Variants in ADGRL3 observed in about 807,000 individuals in gnomAD.
The protein encoded by ADGRL3 is calcium-independent alpha-latrotoxin receptor 3.
Under a neutral mutation model 153.5 loss-of-function variants are expected in ADGRL3, and 62 were observed. The observed-to-expected ratio is 0.40, with a 90% CI of 0.33 to 0.50. ADGRL3 has a LOEUF of 0.50. ADGRL3 is among the 20% of genes least tolerant of loss of function. ADGRL3 has a pLI of 0.47. For missense variants in ADGRL3, 1,641 were observed against 1,859.4 expected (o/e 0.88, Z 2.16); for synonymous variants, 710 against 672.5 (o/e 1.06, Z -0.86).
intron 5 of ADGRL3, among the ~76,000 whole-genome samples, chr4:61,639,519 C>T (rs2093574034): frequency 6.6e-6 from 1 of 152,184 alleles, no homozygotes; most frequent in Middle Eastern, 3.4e-3. Context: ...AACAGTTACA[C>T]TCGCAGACAT....
intron 2 of ADGRL3, among the ~76,000 whole-genome samples, chr4:61,482,734 A>G (rs1489514000): frequency 6.6e-6 from 1 of 152,284 alleles, no homozygotes; most frequent in East Asian, 1.9e-4. Context: ...AGAAAATAAA[A>G]TTGTATTAAA....
chr4:62,063,463 C>T (rs1159700173), intron 25 of ADGRL3: 3 of 626,634 alleles, frequency 4.8e-6, no homozygotes, highest in South Asian at 1.8e-5. Context: ...GCCTGATTGA[C>T]CTTTTTTTTT....
At chr4:61,920,783 G>A (rs1241146687) in intron 13 of ADGRL3, among the ~76,000 whole-genome samples, 1 of 152,104 alleles carries the variant, frequency 6.6e-6, no homozygotes, top group Non-Finnish European at 1.5e-5. Flanking sequence ...AGAAGGATTT[G>A]TCCCTTTTAG....
chr4:61,749,017 AAAAC>A (rs1284044527), intron 8 of ADGRL3, among the ~76,000 whole-genome samples: 2 of 151,732 alleles, frequency 1.3e-5, no homozygotes, highest in African/African-American at 2.4e-5. Context: ...TTTACAAGAA[AAAAC>A]AAACAACCCC....
intron 9 of ADGRL3, among the ~76,000 whole-genome samples, chr4:61,882,216 G>C (rs2098512751): frequency 6.6e-6 from 1 of 152,118 alleles, no homozygotes; most frequent in Non-Finnish European, 1.5e-5. Context: ...ATTTGTATAA[G>C]AAGGACAAAT....
intron 4 of ADGRL3, among the ~76,000 whole-genome samples, chr4:61,585,706 T>G (rs2098943683): frequency 6.6e-6 from 1 of 151,984 alleles, no homozygotes; most frequent in South Asian, 2.1e-4. Flanking sequence ...AAAAGAAGAT[T>G]TGTTGAGTTA....
At chr4:61,566,477 G>A (rs2098816721) in intron 4 of ADGRL3, among the ~76,000 whole-genome samples, 2 of 152,200 alleles carry the variant, frequency 1.3e-5, no homozygotes, top group South Asian at 4.1e-4. Flanking sequence ...AGGAGGGAAA[G>A]GTTGAATTTA....
chr4:61,799,337 A>C (rs2097459647), intron 8 of ADGRL3, among the ~76,000 whole-genome samples: 1 of 152,094 alleles, frequency 6.6e-6, no homozygotes, highest in Admixed American at 6.6e-5. Context: ...TCAATATTTT[A>C]GGTTTTGCAG....
chr4:61,461,892 T>G (rs777012977), intron 2 of ADGRL3, among the ~76,000 whole-genome samples: 20 of 152,324 alleles, frequency 1.3e-4, no homozygotes, highest in African/African-American at 2.6e-4. Flanking sequence ...ATTCTTATTT[T>G]TTTTAATTAA....
chr4:61,618,273 C>T (rs2092223356), intron 5 of ADGRL3, among the ~76,000 whole-genome samples: 1 of 152,036 alleles, frequency 6.6e-6, no homozygotes, highest in Non-Finnish European at 1.5e-5. Context: ...ATCTTTTTAT[C>T]TAGTAAAACA....
At chr4:61,501,117 G>A (rs973037606) in intron 3 of ADGRL3, among the ~76,000 whole-genome samples, 2 of 152,084 alleles carry the variant, frequency 1.3e-5, no homozygotes, top group East Asian at 1.9e-4. Context: ...TTCCAGCTCT[G>A]CCACCTACTG....
At chr4:62,048,239 T>G (rs907679664) in intron 25 of ADGRL3, among the ~76,000 whole-genome samples, 6 of 151,854 alleles carry the variant, frequency 4.0e-5, no homozygotes, top group African/African-American at 1.4e-4. Flanking sequence ...GTTTATCTAT[T>G]TATTTACTTT....
chr4:61,684,557 T>A (rs185331959), intron 6 of ADGRL3, among the ~76,000 whole-genome samples: 56 of 152,108 alleles, frequency 3.7e-4, no homozygotes, highest in Admixed American at 3.4e-3. Context: ...AAGGATCAGA[T>A]CCCCGTAAAG....
At chr4:61,451,656 C>T (rs2097675368) in intron 2 of ADGRL3, among the ~76,000 whole-genome samples, 1 of 152,144 alleles carries the variant, frequency 6.6e-6, no homozygotes, top group Non-Finnish European at 1.5e-5. Flanking sequence ...CAGAAAATGA[C>T]ACCTGACTAA....
chr4:61,482,908 T>A (rs1225080470), intron 2 of ADGRL3, among the ~76,000 whole-genome samples: 2 of 152,124 alleles, frequency 1.3e-5, no homozygotes, highest in Non-Finnish European at 2.9e-5. Flanking sequence ...TAGAGATAAT[T>A]ATATGATATA....
chr4:62,066,653 C>T (rs1743133952), intron 25 of ADGRL3, among the ~76,000 whole-genome samples: 1 of 152,044 alleles, frequency 6.6e-6, no homozygotes, highest in African/African-American at 2.4e-5. Context: ...AAATAATTTA[C>T]ATTTTAAAGT....
At chr4:62,033,252 C>T (rs1326785718) in intron 23 of ADGRL3, among the ~76,000 whole-genome samples, 1 of 151,106 alleles carries the variant, frequency 6.6e-6, no homozygotes, top group Non-Finnish European at 1.5e-5. Flanking sequence ...ATGGCTTCTA[C>T]TCATTTTGTT....
intron 2 of ADGRL3, among the ~76,000 whole-genome samples, chr4:61,470,160 A>C (rs2152678534): frequency 6.6e-6 from 1 of 152,176 alleles, no homozygotes; most frequent in South Asian, 2.1e-4. Flanking sequence ...CTACATAAAT[A>C]ATTTTTTTAA....
intron 2 of ADGRL3, among the ~76,000 whole-genome samples, chr4:61,457,367 A>G (rs2097766215): frequency 6.6e-6 from 1 of 151,974 alleles, no homozygotes; most frequent in Admixed American, 6.6e-5. Flanking sequence ...ATTTTAATTA[A>G]ATCACTTACC....
Sources: allele counts gnomAD v4.1 joint callset (sites outside exome capture counted in the v4.1 genomes callset), GRCh38; gene constraint gnomAD v4.1.1; transcripts MANE v1.5; gene names NCBI Gene and HGNC (gene_info 2026-07-23, HGNC 2026-07-21).